Variants in ADAM18 observed in about 807,000 individuals in gnomAD.
ADAM18 encodes ADAM metallopeptidase domain 18.
ADAM18 carries 117 observed loss-of-function variants against 94.4 expected under a neutral mutation model. The observed-to-expected ratio is 1.24, with a 90% CI of 1.07 to 1.45. ADAM18 has a LOEUF of 1.45. Among genes scored for constraint, ADAM18 ranks in the 40% most tolerant of loss-of-function variants. The pLI is 0.00. For synonymous variants in ADAM18, 327 were observed against 291.6 expected (o/e 1.12, Z -1.24); for missense variants, 936 against 880.0 (o/e 1.06, Z -0.81).
chr8:39,722,339 C>A (rs1255909642), intron 18 of ADAM18, among the ~76,000 whole-genome samples: 1 of 148,692 alleles, frequency 6.7e-6, no homozygotes, highest in Non-Finnish European at 1.5e-5. Flanking sequence ...TGGAATACTA[C>A]TGAGCCATAA....
chr8:39,603,367 C>T (rs1009058645), intron 2 of ADAM18, among the ~76,000 whole-genome samples: 5 of 152,164 alleles, frequency 3.3e-5, no homozygotes, highest in Non-Finnish European at 5.9e-5. Context: ...TACAGGCATA[C>T]CTTATTTTAT....
At chr8:39,618,944 G>A (rs373081972) in intron 6 of ADAM18, among the ~76,000 whole-genome samples, 16 of 152,140 alleles carry the variant, frequency 1.1e-4, no homozygotes, top group Non-Finnish European at 8.8e-5. Context: ...ATACAACTTG[G>A]TGTTTACAAT....
At chr8:39,611,962 C>CT (rs1480334222) in intron 6 of ADAM18, among the ~76,000 whole-genome samples, 3 of 151,868 alleles carry the variant, frequency 2.0e-5, no homozygotes, top group Non-Finnish European at 4.4e-5. Context: ...GAAAAAATCA[C>CT]TTAACCACAA....
chr8:39,628,695 G>A (rs891978280), intron 6 of ADAM18, among the ~76,000 whole-genome samples: 1 of 151,978 alleles, frequency 6.6e-6, no homozygotes. Context: ...ATGTGAGAAG[G>A]CACTTCAGCT....
chr8:39,664,894 T>C (rs1820950521), intron 13 of ADAM18, among the ~76,000 whole-genome samples: 1 of 152,046 alleles, frequency 6.6e-6, no homozygotes, highest in Non-Finnish European at 1.5e-5. Flanking sequence ...CCAATTCTGG[T>C]AAATCACCTC....
intron 17 of ADAM18, among the ~76,000 whole-genome samples, chr8:39,696,867 T>A (rs1821940984): frequency 6.6e-6 from 1 of 151,588 alleles, no homozygotes; most frequent in Non-Finnish European, 1.5e-5. Context: ...GGATTCCATA[T>A]GAACTTTGTG....
At chr8:39,683,271 A>G (rs138958735) in intron 16 of ADAM18, among the ~76,000 whole-genome samples, 1 of 152,324 alleles carries the variant, frequency 6.6e-6, no homozygotes, top group Non-Finnish European at 1.5e-5. Flanking sequence ...ACAAATTTGG[A>G]AGCATATTCA....
intron 16 of ADAM18, among the ~76,000 whole-genome samples, chr8:39,680,443 A>G (rs1821424002): frequency 6.6e-6 from 1 of 152,246 alleles, no homozygotes. Flanking sequence ...TGTTAAAAAA[A>G]GTACATATAT....
At chr8:39,709,534 T>C (rs915966937) in intron 18 of ADAM18, among the ~76,000 whole-genome samples, 1 of 152,196 alleles carries the variant, frequency 6.6e-6, no homozygotes, top group East Asian at 1.9e-4. Context: ...GGGACCTGCC[T>C]TTTTCTGCCT....
chr8:39,730,020 T>C lies in ADAM18; in HGVS notation c.*80T>C, dbSNP rs1823028885. The C allele has an allele frequency of 2.8e-6, 4 of 1,416,574 alleles. No individual in the cohort carries two copies. The highest frequency in any genetic ancestry group is 2.3e-5 in the South Asian group (2 of 85,814). 87.8% of individuals were successfully genotyped at this position (1,416,574 alleles called of 1,614,324 possible). A position where few individuals can be genotyped will look rare whatever the true frequency, so the allele number is the denominator to read the frequency against. On this transcript the variant is annotated 3_prime_UTR_variant, in exon 20 of 20. Transcript: ENST00000265707. ...ATAACCTTACGTTATCCCCAATGCA[T>C]TGTAAATGTCAAACTTTTGGAAAAT...
Position 39,650,873 on chromosome 8 carries a change from C to T in ADAM18, c.1230+2346C>T, listed in dbSNP as rs146180264. On this transcript the variant is annotated intron_variant, in intron 12 of 19. Coordinates refer to ENST00000265707, the MANE Select transcript of ADAM18 (RefSeq NM_014237.3). The stretch of plus-strand genomic sequence containing the variant: ...AGAGACTTGAGAAAAGAAAGAGACA[C>T]AGAGACAAAGTATAGAGAAAGAAAA... Among the ~76,000 whole-genome samples, 914 of 152,228 alleles carry T rather than the reference C, an allele frequency of 6.0e-3. 5 individuals carry two copies. The highest frequency in any genetic ancestry group is 0.021 in the African/African-American group (869 of 41,538).
intron 12 of ADAM18, among the ~76,000 whole-genome samples, chr8:39,649,124 C>CA (rs986470676): frequency 6.6e-6 from 1 of 151,910 alleles, no homozygotes; most frequent in Non-Finnish European, 1.5e-5. Context: ...TAATATTTAA[C>CA]AATTTGTCTC....
chr8:39,619,727 A>G (rs1819552020), intron 6 of ADAM18, among the ~76,000 whole-genome samples: 1 of 152,176 alleles, frequency 6.6e-6, no homozygotes, highest in Admixed American at 6.5e-5. Context: ...CATGGATGAA[A>G]GAAATTGAAA....
At chr8:39,616,639 CA>C (rs1445101483) in intron 6 of ADAM18, among the ~76,000 whole-genome samples, 1 of 152,038 alleles carries the variant, frequency 6.6e-6, no homozygotes, top group Non-Finnish European at 1.5e-5. Flanking sequence ...AGGAGGTAAC[CA>C]AAACAGCAGG....
intron 10 of ADAM18, among the ~76,000 whole-genome samples, chr8:39,639,646 A>T (rs1418071356): frequency 1.3e-5 from 2 of 152,110 alleles, no homozygotes; most frequent in Admixed American, 6.6e-5. Flanking sequence ...CCAAGTAATG[A>T]ACTAAGATTT....
At chr8:39,720,244 T>C (rs1822709407) in intron 18 of ADAM18, among the ~76,000 whole-genome samples, 1 of 151,476 alleles carries the variant, frequency 6.6e-6, no homozygotes, top group African/African-American at 2.4e-5. Context: ...TATATAAGTA[T>C]AAAAAATGAA....
At chr8:39,647,625 A>G (rs964262185) in intron 11 of ADAM18, among the ~76,000 whole-genome samples, 4 of 152,310 alleles carry the variant, frequency 2.6e-5, no homozygotes, top group Non-Finnish European at 5.9e-5. Context: ...ATTTCAGACT[A>G]TCACATGGGG....
Position 39,610,580 on chromosome 8 carries a change from T to C in ADAM18, c.396T>C (p.Ser132=), listed in dbSNP as rs1226258707. Residue 132 remains serine (S), a synonymous_variant, in exon 6 of 20, where the codon TCT becomes TCC. Coordinates refer to ENST00000265707, the MANE Select transcript of ADAM18 (RefSeq NM_014237.3). ...NISYGIEPVE[S]SARFEHIIYQ... ...GTTATGGAATTGAACCAGTAGAATC[T>C]TCAGCAAGATTTGAGCATATAATTT... The C allele has an allele frequency of 6.2e-7, 1 of 1,612,024 alleles. No homozygotes were observed. Among genetic ancestry groups the C allele is most frequent in the Non-Finnish European group, 8.5e-7 (1 of 1,178,850 alleles).
At chr8:39,678,898 A>G (rs1474038574) in intron 15 of ADAM18, among the ~76,000 whole-genome samples, 1 of 152,230 alleles carries the variant, frequency 6.6e-6, no homozygotes, top group Admixed American at 6.5e-5. Context: ...AAATAGTTCT[A>G]AGAATTTAAC....
Sources: gnomAD v4.1 joint callset for allele counts (sites outside exome capture counted in the v4.1 genomes callset) on GRCh38, gnomAD v4.1.1 for gene constraint, MANE v1.5 for transcripts, NCBI Gene and HGNC (gene_info 2026-07-23, HGNC 2026-07-21) for gene names.